Variants in PSRC1 observed in about 807,000 individuals in gnomAD.
PSRC1 encodes the protein proline/serine-rich coiled-coil protein 1.
In PSRC1, 30 loss-of-function variants were observed where a neutral mutation model predicts 31.9. The ratio of observed to expected loss-of-function variants is 0.94; its 90% confidence interval spans 0.70 to 1.28. The LOEUF is 1.28. Among genes scored for constraint, PSRC1 ranks in the 50% most tolerant of loss-of-function variants. The pLI, the probability that PSRC1 is intolerant of heterozygous loss-of-function variation, is 0.00. For missense variants in PSRC1, 481 were observed against 472.8 expected (o/e 1.02, Z -0.16); for synonymous variants, 191 against 192.1 (o/e 0.99, Z 0.05).
chr1:109,280,066 T>C, exon 7 of PSRC1: 3 of 1,582,768 alleles, frequency 1.9e-6, no homozygotes, highest in East Asian at 2.2e-5. Context: ...CAGAATCTGC[T>C]GGAGTCAGGG....
rs564747874 is a variant in PSRC1 at position 109,281,352 on chromosome 1, C to A, written c.520-101G>T. 6.9e-5 allele frequency: 75 copies of A among 1,079,950 alleles called. No individual in the cohort carries two copies. In the African/African-American group the frequency reaches 1.1e-3, roughly 15 times the overall value. The allele number at this position is 1,079,950 out of a possible 1,614,324, so 66.9% of individuals were successfully genotyped here. On this transcript the variant is annotated intron_variant, in intron 4 of 6. Coordinates refer to ENST00000409138, the Ensembl canonical transcript of PSRC1. Reference sequence around the variant, plus strand: ...TAGAGGTGGAGAGTTGTCTACATCCCAGTAAGGAAGGGTAGAAGTTAGCTG... The same window carrying A: ...TAGAGGTGGAGAGTTGTCTACATCCAAGTAAGGAAGGGTAGAAGTTAGCTG...
intron 3 of PSRC1, 189 bp from the exon 4 acceptor site, chr1:109,282,249 G>A: frequency 1.6e-6 from 1 of 624,712 alleles, no homozygotes. Flanking sequence ...TAGGCCTTTA[G>A]CATTTACGGA....
chr1:109,281,801 G>A (rs767431636), exon 4 of PSRC1: 31 of 1,613,930 alleles, frequency 1.9e-5, no homozygotes, highest in Middle Eastern at 1.6e-4. Context: ...GTCTCCCGCC[G>A]AGGACTGGGC....
rs550413733 is a variant in PSRC1, at chr1:109,282,860, C to A, written c.-33-129G>T. Reference sequence around the variant, plus strand: ...AAGCAAGCGCCCAGGAGTGGCACCTCCCGCACAGCTACTCCTGCTACCTCC... The same window carrying A: ...AAGCAAGCGCCCAGGAGTGGCACCTACCGCACAGCTACTCCTGCTACCTCC... On this transcript the variant is annotated intron_variant, in intron 1 of 6. Coordinates refer to ENST00000409138, the Ensembl canonical transcript of PSRC1. The A allele has an allele frequency of 9.4e-5, 76 of 806,636 alleles. No homozygotes were observed. In the African/African-American group the frequency reaches 1.1e-3, roughly 12 times the overall value. The allele number at this position is 806,636 out of a possible 1,614,324, so 50.0% of individuals were successfully genotyped here. A position where few individuals can be genotyped will look rare whatever the true frequency, so the allele number is the denominator to read the frequency against.
exon 7 of PSRC1, chr1:109,280,014 G>T: frequency 9.1e-7 from 1 of 1,094,690 alleles, no homozygotes; most frequent in South Asian, 1.2e-5. Context: ...TCTACTCCTG[G>T]GAGACCAGCC....
intron 4 of PSRC1, 31 bp from the exon 5 acceptor site, chr1:109,281,282 T>C (rs1657071846): frequency 2.0e-6 from 3 of 1,497,248 alleles, no homozygotes; most frequent in Non-Finnish European, 1.8e-6. Flanking sequence ...GAAAAAAGAC[T>C]AGAGTGGAAA....
Position 109,282,905 on chromosome 1 carries a change from C to T in PSRC1, c.-34+169G>A. 3 of 634,938 alleles carry T rather than the reference C, an allele frequency of 4.7e-6. No homozygotes were observed. In the Admixed American group the frequency reaches 8.5e-5, roughly 18 times the overall value. 39.3% of individuals were successfully genotyped at this position (634,938 alleles called of 1,614,324 possible). ...ACCTCCGGGAACGATACGGAGGGCT[C>T]CCCCAACTGCCCAGATTGCCCTGGA... On this transcript the variant is annotated intron_variant, in intron 1 of 6. Coordinates refer to ENST00000409138, the Ensembl canonical transcript of PSRC1.
intron 3 of PSRC1, 186 bp downstream of exon 3, chr1:109,282,332 T>C: frequency 1.6e-6 from 1 of 626,364 alleles, no homozygotes; most frequent in Admixed American, 2.9e-5. Context: ...GAAATCTAAC[T>C]CCAGCTTCTC....
exon 4 of PSRC1, chr1:109,281,843 C>T (rs774574191): frequency 1.4e-5 from 22 of 1,613,862 alleles, no homozygotes; most frequent in South Asian, 3.3e-5. Flanking sequence ...CCCTCGCCTG[C>T]GCTCTCCCGA....
chr1:109,281,263 A>T lies in PSRC1; in HGVS notation c.520-12T>A. The T allele has an allele frequency of 1.3e-6, 2 of 1,553,364 alleles. No individual in the cohort carries two copies. The highest frequency in any genetic ancestry group is 1.7e-6 in the Non-Finnish European group (2 of 1,145,378). ...CAAGTGGGTGACTCCTGAAACACAA[A>T]GAGAGAGAGAAAAAAGACTAGAGTG... On this transcript the variant is annotated splice_polypyrimidine_tract_variant and intron_variant, in intron 4 of 6. Transcript: ENST00000409138.
chr1:109,282,088 T>C (rs1375379343), intron 3 of PSRC1, 28 bp from the exon 4 acceptor site: 2 of 1,461,730 alleles, frequency 1.4e-6, no homozygotes, highest in South Asian at 2.9e-5. Context: ...CCAGGCATCA[T>C]GCCCATGCAA....
chr1:109,280,126 G>T, exon 7 of PSRC1: 1 of 1,614,130 alleles, frequency 6.2e-7, no homozygotes, highest in Non-Finnish European at 8.5e-7. Flanking sequence ...GTTTGCTACT[G>T]AAGTCTTGCT....
rs765417758 is a variant in PSRC1 at position 109,281,644 on chromosome 1, C to G, written c.494G>C (p.Gly165Ala). The change falls in exon 4 of 7, where the codon GGA becomes GCA. Residue 165 changes from glycine to alanine, a missense_variant. Gly to Ala is a moderately conservative substitution (Grantham distance 60). Transcript: ENST00000409138. ...CCTCTTCATGTTGGAGGGCCTCTTTCCAGATGTAGCCCGGAGAGCCCTGAC... is the reference window on the plus strand; with the variant it reads ...CCTCTTCATGTTGGAGGGCCTCTTTGCAGATGTAGCCCGGAGAGCCCTGAC... The G allele has an allele frequency of 1.1e-5, 17 of 1,613,194 alleles. No homozygotes were observed. The African/African-American group carries it at 1.7e-4, about 16-fold the overall frequency.
rs745726743 is a variant in PSRC1, at chr1:109,280,425, G to T, written c.1059C>A (p.Pro353=). ...TAGGTCCTGGGACTGCCACTTTCCT[G>T]GGGGGCTGCAGATTGCTGCGAGTGG... Residue 353 remains proline, a synonymous_variant, in exon 6 of 7, where the codon CCC becomes CCA. Coordinates refer to ENST00000409138, the Ensembl canonical transcript of PSRC1. 5.0e-6 allele frequency: 8 copies of T among 1,612,924 alleles called. No individual in the cohort carries two copies. The South Asian group carries it at 8.8e-5, about 18-fold the overall frequency.
chr1:109,280,390 A>G lies in PSRC1; in HGVS notation c.1088+6T>C. 1.2e-6 allele frequency: 2 copies of G among 1,601,368 alleles called. No homozygotes were observed. The highest frequency in any genetic ancestry group is 1.7e-6 in the Non-Finnish European group (2 of 1,171,226). On this transcript the variant is annotated splice_donor_region_variant and intron_variant, in intron 6 of 6. Transcript: ENST00000409138. ...GACAGGATGGGCAAGGGAGGACCAG[A>G]CTGACCTGGTAGGTCCTGGGACTGC...
exon 5 of PSRC1, chr1:109,281,089 A>G (rs776991427): frequency 6.2e-7 from 1 of 1,612,634 alleles, no homozygotes; most frequent in Non-Finnish European, 8.5e-7. Context: ...AATCCCACAA[A>G]CTCCCCACTC....
At chr1:109,282,723 C>G (rs1657387525) in exon 2 of PSRC1, 3 of 1,550,536 alleles carry the variant, frequency 1.9e-6, no homozygotes, top group Admixed American at 3.9e-5. Context: ...AGCGAGAGTC[C>G]AGTTAGATCT....
exon 4 of PSRC1, chr1:109,281,821 C>T (rs375906662): frequency 2.7e-5 from 44 of 1,614,012 alleles, no homozygotes; most frequent in Non-Finnish European, 3.6e-5. Context: ...CTTCACTCGG[C>T]GAGGCCCCAG....
At position 109,280,278 on chromosome 1, in the gene PSRC1, G is replaced by A. The variant is rs144714995; in HGVS notation, c.1088+118C>T. 351 of 1,414,596 alleles carry A rather than the reference G, an allele frequency of 2.5e-4. 3 individuals carry two copies. The African/African-American group carries it at 4.3e-3, about 17-fold the overall frequency. 87.6% of individuals were successfully genotyped at this position (1,414,596 alleles called of 1,614,324 possible). On this transcript the variant is annotated intron_variant, in intron 6 of 6. Coordinates refer to ENST00000409138, the Ensembl canonical transcript of PSRC1. ...TGGGATCCCCCTTCCCCTGCCCCAG[G>A]CTCCCCTCCTCTCTCCATCTTTCCA...
Sources: gnomAD v4.1 joint callset for allele counts on GRCh38, gnomAD v4.1.1 for gene constraint, MANE v1.5 for transcripts, NCBI Gene and HGNC (gene_info 2026-07-23, HGNC 2026-07-21) for gene names.